The following ADGB variants were observed in gnomAD, a reference collection of about 807,000 sequenced individuals.
ADGB encodes the protein calpain-7-like protein.
Under a neutral mutation model 210.5 loss-of-function variants are expected in ADGB, and 172 were observed. The observed-to-expected ratio is 0.82, with a 90% CI of 0.72 to 0.93. ADGB has a LOEUF of 0.93. Among genes scored for constraint, ADGB ranks in the 40% least tolerant of loss-of-function variants. The pLI is 0.00. For synonymous variants in ADGB, 658 were observed against 662.7 expected (o/e 0.99, Z 0.11); for missense variants, 2,025 against 1,964.8 (o/e 1.03, Z -0.58).
At chr6:146,813,465 G>A (rs1001667152) in intron 35 of ADGB, among the ~76,000 whole-genome samples, 2 of 151,630 alleles carry the variant, frequency 1.3e-5, no homozygotes, top group Non-Finnish European at 2.9e-5. Flanking sequence ...TTTTTTTCTC[G>A]GTCACTTTGT....
chr6:146,802,100 T>A, intron 35 of ADGB, 89 bp downstream of exon 35: 1 of 950,462 alleles, frequency 1.1e-6, no homozygotes, highest in Non-Finnish European at 1.4e-6. Context: ...ATATTTTGTA[T>A]AGAAATAAGT....
intron 9 of ADGB, among the ~76,000 whole-genome samples, chr6:146,682,876 C>T (rs1474293323): frequency 2.6e-5 from 4 of 151,854 alleles, no homozygotes. Flanking sequence ...AACCTTCTCT[C>T]TTTTTTTTCC....
Position 146,664,217 on chromosome 6 carries a change from T to C in ADGB, c.629T>C (p.Ile210Thr). The C allele has an allele frequency of 4.5e-6, 7 of 1,547,436 alleles. No individual in the cohort carries two copies. The highest frequency in any genetic ancestry group is 6.1e-6 in the Non-Finnish European group (7 of 1,144,960). The change falls in exon 6 of 36, where the codon ATA becomes ACA. Residue 210 changes from isoleucine (I) to threonine (T), a missense_variant. By Grantham distance (89) the Ile-to-Thr change is moderately conservative. Coordinates refer to ENST00000397944, the MANE Select transcript of ADGB (RefSeq NM_024694.4). ...TATTTTTAGGGTTGCTGGAGAAAGA[T>C]AACAATTGATGACTTTTTGCCTTTT... ...KLYWMGCWRKITIDDFLPFDE... is the reference protein window; with the variant it reads ...KLYWMGCWRKTTIDDFLPFDE...
intron 22 of ADGB, among the ~76,000 whole-genome samples, chr6:146,735,504 A>C (rs1777067239): frequency 6.6e-6 from 1 of 152,220 alleles, no homozygotes; most frequent in African/African-American, 2.4e-5. Context: ...ACATTAATTC[A>C]TTCATAAGGG....
At chr6:146,614,289 A>G (rs1289159404) in intron 1 of ADGB, among the ~76,000 whole-genome samples, 3 of 147,994 alleles carry the variant, frequency 2.0e-5, no homozygotes, top group Middle Eastern at 6.8e-3. Context: ...AATGCATTGC[A>G]CATATTTAAA....
At chr6:146,756,211 T>C (rs1232999308) in intron 27 of ADGB, among the ~76,000 whole-genome samples, 1 of 152,094 alleles carries the variant, frequency 6.6e-6, no homozygotes, top group African/African-American at 2.4e-5. Context: ...GGATGAAGGG[T>C]ACCACTGAAG....
At chr6:146,607,506 T>C (rs2114826148) in intron 1 of ADGB, among the ~76,000 whole-genome samples, 1 of 152,318 alleles carries the variant, frequency 6.6e-6, no homozygotes, top group Non-Finnish European at 1.5e-5. Flanking sequence ...CTTTTGCCCA[T>C]TCAGTATAAC....
intron 23 of ADGB, among the ~76,000 whole-genome samples, chr6:146,737,744 G>A (rs759056523): frequency 1.3e-5 from 2 of 152,168 alleles, no homozygotes; most frequent in Non-Finnish European, 2.9e-5. Context: ...TGAAAATGAT[G>A]TGCTAAAAAG....
At chr6:146,742,393 A>G (rs1777174051) in intron 25 of ADGB, among the ~76,000 whole-genome samples, 2 of 151,884 alleles carry the variant, frequency 1.3e-5, no homozygotes, top group Admixed American at 6.6e-5. Context: ...ATTAAATTTG[A>G]TATTATCAAA....
chr6:146,704,439 C>T (rs1776538399), intron 13 of ADGB, among the ~76,000 whole-genome samples: 2 of 151,956 alleles, frequency 1.3e-5, no homozygotes, highest in Non-Finnish European at 2.9e-5. Context: ...ATACATTCAG[C>T]ATACATTCAG....
intron 25 of ADGB, among the ~76,000 whole-genome samples, chr6:146,744,757 T>C (rs540602908): frequency 6.6e-6 from 1 of 152,312 alleles, no homozygotes; most frequent in African/African-American, 2.4e-5. Flanking sequence ...ACTGAATCCA[T>C]TTAGAATAGC....
In ADGB at chr6:146,651,953, A is replaced by T. The variant is rs561327829; in HGVS notation, c.331-2182A>T. On this transcript the variant is annotated intron_variant, in intron 3 of 35. Transcript: ENST00000397944. ...CTGACTTTAGGATAGCAGAATAAAC[A>T]TGAGCCCTTCCAACCAAAAAGGTTA... Among the ~76,000 whole-genome samples the T allele has an allele frequency of 5.9e-5, 9 of 152,332 alleles. No individual in the cohort carries two copies. In the South Asian group the frequency reaches 1.9e-3, roughly 32 times the overall value.
rs78604745 is a variant in ADGB, at chr6:146,721,976, G to A, written c.2095+471G>A. ...GATGCTTTTACCCCACAGACACCAG[G>A]GATTATGCCCACTGCTGCCACCTGC... On this transcript the variant is annotated intron_variant, in intron 17 of 35. Coordinates refer to ENST00000397944, the MANE Select transcript of ADGB (RefSeq NM_024694.4). Among the ~76,000 whole-genome samples, 1,114 of 151,944 alleles carry A rather than the reference G, an allele frequency of 7.3e-3. 4 individuals are homozygous for A. The highest frequency in any genetic ancestry group is 0.013 in the Non-Finnish European group (872 of 67,968).
chr6:146,762,026 C>G (rs1777498929), intron 27 of ADGB, among the ~76,000 whole-genome samples: 1 of 152,014 alleles, frequency 6.6e-6, no homozygotes, highest in Non-Finnish European at 1.5e-5. Context: ...TTAAGGACAC[C>G]CATCATTGGA....
intron 33 of ADGB, among the ~76,000 whole-genome samples, chr6:146,791,191 G>T (rs2114653878): frequency 6.6e-6 from 1 of 152,146 alleles, no homozygotes; most frequent in Non-Finnish European, 1.5e-5. Context: ...TTTTTAGTTT[G>T]GTACAGTCCC....
intron 1 of ADGB, among the ~76,000 whole-genome samples, chr6:146,617,268 G>T (rs527565284): frequency 2.6e-5 from 4 of 152,114 alleles, no homozygotes; most frequent in Admixed American, 2.6e-4. Flanking sequence ...GTATGAAAAT[G>T]CTACCTATTT....
chr6:146,649,253 C>G (rs192863695), intron 3 of ADGB, among the ~76,000 whole-genome samples: 2 of 150,316 alleles, frequency 1.3e-5, no homozygotes, highest in East Asian at 3.9e-4. Flanking sequence ...GGGCATTTTG[C>G]TGATAACTCA....
intron 29 of ADGB, among the ~76,000 whole-genome samples, chr6:146,779,437 T>C (rs1219663220): frequency 1.3e-5 from 2 of 152,148 alleles, no homozygotes; most frequent in African/African-American, 4.8e-5. Flanking sequence ...AATGTCCAGA[T>C]TTGATGAGAA....
At chr6:146,612,511 C>T (rs9485103) in intron 1 of ADGB, among the ~76,000 whole-genome samples, 13,107 of 152,192 alleles carry the variant, frequency 0.086, 675 homozygotes, top group East Asian at 0.23. Flanking sequence ...ATCACATTCA[C>T]GTGGTTTCTT....
Sources: gnomAD v4.1 joint callset for allele counts (sites outside exome capture counted in the v4.1 genomes callset) on GRCh38, gnomAD v4.1.1 for gene constraint, MANE v1.5 for transcripts, NCBI Gene and HGNC (gene_info 2026-07-23, HGNC 2026-07-21) for gene names.